The following PKP1 variants were observed in gnomAD, a reference collection of about 807,000 sequenced individuals.
PKP1 encodes plakophilin 1.
In PKP1, 27 loss-of-function variants were observed where a neutral mutation model predicts 76.4. The ratio of observed to expected loss-of-function variants is 0.35; its 90% CI spans 0.26 to 0.49. The LOEUF (loss-of-function observed/expected upper bound fraction) is 0.49, where lower values mean the gene tolerates loss of function less well. PKP1 is among the 20% of genes least tolerant of loss of function. The pLI is 0.99. For missense variants in PKP1, 964 were observed against 955.2 expected, an observed-to-expected ratio of 1.01 and a Z score of -0.12; for synonymous variants, 404 against 384.2, an observed-to-expected ratio of 1.05 and a Z score of -0.60.
At chr1:201,303,868 G>A (rs1420020462) in intron 2 of PKP1, among the ~76,000 whole-genome samples, 1 of 152,178 alleles carries the variant, frequency 6.6e-6, no homozygotes, top group African/African-American at 2.4e-5. Flanking sequence ...TTTTCCCAAA[G>A]CAGGCAAGGT....
At chr1:201,300,793 G>A (rs1012140183) in intron 2 of PKP1, among the ~76,000 whole-genome samples, 25 of 152,212 alleles carry the variant, frequency 1.6e-4, no homozygotes, top group African/African-American at 5.5e-4. Context: ...TGCAAGTGGT[G>A]TCCTCCAAGG....
In PKP1 at chr1:201,283,573, A is replaced by T. The variant is rs861275; in HGVS notation, c.-130A>T. 0.74 allele frequency: 612,651 copies of T among 830,844 alleles called. 236,770 individuals carry two copies. Among genetic ancestry groups the T allele is most frequent in the East Asian group, 0.92 (34,598 of 37,564 alleles). 51.5% of individuals were successfully genotyped at this position (830,844 alleles called of 1,614,324 possible). A position where few individuals can be genotyped will look rare whatever the true frequency, so the allele number is the denominator to read the frequency against. On this transcript the variant is annotated 5_prime_UTR_variant, in exon 1 of 14. Transcript: ENST00000367324. ...GCTGCAGGGAGCCCTCACGCGGACC[A>T]CGCACTCTATGGCCGTAGGGAGCCG...
At chr1:201,313,610 C>T (rs754805957) in intron 3 of PKP1, 50 bp downstream of exon 3, 6 of 1,582,840 alleles carry the variant, frequency 3.8e-6, no homozygotes, top group Non-Finnish European at 5.2e-6. Flanking sequence ...AGTGGGGAGA[C>T]ACACCCTTAG....
rs771192084 is a variant in PKP1, at chr1:201,328,852, G to A, written c.*16G>A. On this transcript the variant is annotated 3_prime_UTR_variant, in exon 13 of 14. Coordinates refer to ENST00000367324, the MANE Select transcript of PKP1 (RefSeq NM_001005337.3). ...CCGATTCTAAGAAGAGACTGTCCAA[G>A]CAAGTTAGGCTTGCAGGTAAGAATC... The A allele has an allele frequency of 3.7e-6, 6 of 1,607,876 alleles. No individual in the cohort carries two copies. The highest frequency in any genetic ancestry group is 2.6e-6 in the Non-Finnish European group (3 of 1,174,340).
intron 1 of PKP1, among the ~76,000 whole-genome samples, chr1:201,286,288 G>C (rs1436049630): frequency 6.6e-6 from 1 of 152,156 alleles, no homozygotes; most frequent in African/African-American, 2.4e-5. Context: ...AGCAGAGTCA[G>C]TTTACCTAGG....
At chr1:201,322,611 A>T (rs977403736) in intron 8 of PKP1, among the ~76,000 whole-genome samples, 2 of 152,110 alleles carry the variant, frequency 1.3e-5, no homozygotes, top group African/African-American at 4.8e-5. Context: ...CAGGTCTCAG[A>T]CCACCCTCTT....
chr1:201,294,030 C>T lies in PKP1; in HGVS notation c.291C>T (p.Gly97=), dbSNP rs142121267. The part of the protein sequence containing the change: ...SYYSKFQAGN[G]SWGYPIYNGT... ...ACTCCAAGTTCCAGGCAGGGAATGG[C>T]TCATGGGGATATCCGGTAAGGAACT... The change falls in exon 2 of 14, where the codon GGC becomes GGT. Residue 97 remains glycine (G), a synonymous_variant. Transcript: ENST00000367324. The T allele has an allele frequency of 1.2e-6, 2 of 1,609,906 alleles. No homozygotes were observed. The highest frequency in any genetic ancestry group is 1.3e-5 in the African/African-American group (1 of 74,934).
chr1:201,295,839 T>A (rs1656054643), intron 2 of PKP1, among the ~76,000 whole-genome samples: 2 of 152,168 alleles, frequency 1.3e-5, no homozygotes, highest in South Asian at 4.1e-4. Context: ...CATGGAAATT[T>A]GTAACCAAGA....
At position 201,294,011 on chromosome 1, in the gene PKP1, A is replaced by G. The variant is rs146997188; in HGVS notation, c.272A>G (p.Lys91Arg). ...GTTSRSSYYS[K>R]FQAGNGSWGY... ...ACCAGCAGGAGCAGCTACTACTCCA[A>G]GTTCCAGGCAGGGAATGGCTCATGG... is the stretch of plus-strand genomic sequence containing the variant. The change falls in exon 2 of 14, where the codon AAG (lysine) becomes AGG (arginine). Residue 91 changes from lysine to arginine, a missense_variant. By Grantham distance (26) the Lys-to-Arg change is conservative. Transcript: ENST00000367324. The G allele has an allele frequency of 2.0e-4, 318 of 1,613,716 alleles. 1 individual carries two copies. Among genetic ancestry groups the G allele is most frequent in the Non-Finnish European group, 2.6e-4 (312 of 1,179,658 alleles).
chr1:201,314,005 G>A (rs953404220), intron 3 of PKP1, among the ~76,000 whole-genome samples: 2 of 152,212 alleles, frequency 1.3e-5, no homozygotes, highest in Admixed American at 6.5e-5. Flanking sequence ...ACTAGAGTTT[G>A]AGAACCTCTG....
chr1:201,287,476 T>G (rs1655775773), intron 1 of PKP1, among the ~76,000 whole-genome samples: 1 of 152,244 alleles, frequency 6.6e-6, no homozygotes, highest in African/African-American at 2.4e-5. Context: ...AGGCATCACT[T>G]CTGGGGTTGT....
rs1656990950 is a variant in PKP1, at chr1:201,322,880, T to G, written c.1504-133T>G. On this transcript the variant is annotated intron_variant, in intron 8 of 13. Coordinates refer to ENST00000367324, the MANE Select transcript of PKP1 (RefSeq NM_001005337.3). ...GCGGGGCTGTCCTGGGCCCCCTGCC[T>G]CTGCAGGCGCTTCCTCAGCTTGCCC... The G allele has an allele frequency of 5.7e-6, 5 of 882,362 alleles. No individual in the cohort carries two copies. The African/African-American group carries it at 8.3e-5, about 15-fold the overall frequency. 54.7% of individuals were successfully genotyped at this position (882,362 alleles called of 1,614,324 possible).
At chr1:201,303,105 AT>A (rs993008553) in intron 2 of PKP1, among the ~76,000 whole-genome samples, 3 of 152,354 alleles carry the variant, frequency 2.0e-5, no homozygotes, top group African/African-American at 7.2e-5. Flanking sequence ...TACTGTCACA[AT>A]TTTTGCAAAA....
At position 201,321,968 on chromosome 1, in the gene PKP1, T is replaced by C. The variant is rs765918489; in HGVS notation, c.1348-10T>C. 1.1e-5 allele frequency: 18 copies of C among 1,613,846 alleles called. 1 individual carries two copies. In the South Asian group the frequency reaches 1.8e-4, roughly 16 times the overall value. On this transcript the variant is annotated splice_polypyrimidine_tract_variant and intron_variant, in intron 7 of 13. Transcript: ENST00000367324. ...AGAGGCTCAGGCCCATGCCTCTCCT[T>C]GGTCCCCAGTCTGTGGAAAACTGCA...
At chr1:201,292,305 C>T (rs1655942926) in intron 1 of PKP1, among the ~76,000 whole-genome samples, 1 of 152,158 alleles carries the variant, frequency 6.6e-6, no homozygotes, top group East Asian at 1.9e-4. Context: ...GGTAAGAGGC[C>T]AACCCTCTCT....
rs1330059906 is a variant in PKP1 at position 201,318,865 on chromosome 1, G to T, written c.1232+70G>T. The stretch of plus-strand genomic sequence containing the variant: ...CCCTTCCCCAGGCAGCCCCATCTCA[G>T]CCAACATTCAGCCGGTGCATAGAAC... On this transcript the variant is annotated intron_variant, in intron 6 of 13. Transcript: ENST00000367324. The T allele has an allele frequency of 2.3e-6, 3 of 1,328,496 alleles. No homozygotes were observed. The East Asian group carries it at 7.5e-5, about 33-fold the overall frequency. 82.3% of individuals were successfully genotyped at this position (1,328,496 alleles called of 1,614,324 possible).
rs755721917 is a variant in PKP1, at chr1:201,328,749, T to G, written c.2107-13T>G. ...AGTTTTGTGTCATTTGGTTGCTGTT[T>G]CTCCCTTTGCAGCAAGGTTTCGATA... is the stretch of plus-strand genomic sequence containing the variant. On this transcript the variant is annotated splice_polypyrimidine_tract_variant and intron_variant, in intron 12 of 13. Coordinates refer to ENST00000367324, the MANE Select transcript of PKP1 (RefSeq NM_001005337.3). 6 of 1,613,748 alleles carry G rather than the reference T, an allele frequency of 3.7e-6. No homozygotes were observed. The South Asian group carries it at 4.4e-5, about 12-fold the overall frequency.
rs1340478586 is a variant in PKP1 at position 201,321,988 on chromosome 1, A to G, written c.1358A>G (p.Asn453Ser). 7.4e-6 allele frequency: 12 copies of G among 1,613,834 alleles called. No homozygotes were observed. Among genetic ancestry groups the G allele is most frequent in the Non-Finnish European group, 1.0e-5 (12 of 1,179,964 alleles). The change falls in exon 8 of 14, where the codon AAC becomes AGC. Residue 453 changes from asparagine (N) to serine (S), a missense_variant. Physicochemically the swap from Asn to Ser is conservative, Grantham distance 46. Coordinates refer to ENST00000367324, the MANE Select transcript of PKP1 (RefSeq NM_001005337.3). ...ASRCDDKSVE[N>S]CMCVLHNLSY... ...CTCCTTGGTCCCCAGTCTGTGGAAA[A>G]CTGCATGTGTGTTCTGCACAACCTC...
Position 201,324,466 on chromosome 1 carries a change from A to G in PKP1, c.1719A>G (p.Glu573=). 6.2e-7 allele frequency: 1 copy of G among 1,614,148 alleles called. No individual in the cohort carries two copies. Among genetic ancestry groups the G allele is most frequent in the Non-Finnish European group, 8.5e-7 (1 of 1,180,024 alleles). ...TGAGCCAGTTGATTGGGCTGAAGGAAAAGGGCCTGCCACAAATTGCCCGCC... is the reference window on the plus strand; with the variant it reads ...TGAGCCAGTTGATTGGGCTGAAGGAGAAGGGCCTGCCACAAATTGCCCGCC... ...SGMSQLIGLK[E]KGLPQIARLL... is the part of the protein sequence containing the mutation. The change falls in exon 10 of 14, where the codon GAA becomes GAG. Residue 573 remains glutamate, a synonymous_variant. Coordinates refer to ENST00000367324, the MANE Select transcript of PKP1 (RefSeq NM_001005337.3).
Sources: allele counts gnomAD v4.1 joint callset (sites outside exome capture counted in the v4.1 genomes callset), GRCh38; gene constraint gnomAD v4.1.1; transcripts MANE v1.5; gene names NCBI Gene and HGNC (gene_info 2026-07-23, HGNC 2026-07-21).